DNAH17: variants seen among roughly 807,000 people sequenced by gnomAD.
DNAH17 encodes the protein axonemal beta dynein heavy chain 17.
In DNAH17, 376 loss-of-function variants were observed where a neutral mutation model predicts 485.6. That is an observed-to-expected ratio of 0.77 (90% confidence interval 0.71 to 0.84). DNAH17 has a LOEUF of 0.84. DNAH17 is among the 40% of genes least tolerant of loss of function. The probability of loss-of-function intolerance (pLI) is 0.00; values close to 1 mark genes in which losing one functional copy is unlikely to be tolerated. For missense variants in DNAH17, 6,370 were observed against 5,839.3 expected, an observed-to-expected ratio of 1.09 and a Z score of -2.96; for synonymous variants, 3,031 against 2,405.9, an observed-to-expected ratio of 1.26 and a Z score of -7.60.
intron 41 of DNAH17, 94 bp from the exon 42 acceptor site, chr17:78,492,859 T>TTTTTTTTTTTC (rs2089923044): frequency 4.5e-6 from 5 of 1,114,344 alleles, no homozygotes; most frequent in East Asian, 3.3e-5. Flanking sequence ...TGGATGGTTT[T>TTTTTTTTTTTC]TTTTTTTTTG....
chr17:78,470,160 G>A (rs920314013), intron 54 of DNAH17, among the ~76,000 whole-genome samples: 3 of 128,598 alleles, frequency 2.3e-5, no homozygotes, highest in East Asian at 2.4e-4. Flanking sequence ...TTCAACCTCC[G>A]CCTCCCGGGT....
At chr17:78,484,248 G>GCTGCC (rs1002910895) in intron 48 of DNAH17, among the ~76,000 whole-genome samples, 8 of 152,088 alleles carry the variant, frequency 5.3e-5, no homozygotes, top group African/African-American at 1.9e-4. Context: ...TCTGGCTGCA[G>GCTGCC]CTGCCCTGGG....
At chr17:78,574,502 C>CCAA (rs1269095997) in intron 2 of DNAH17, among the ~76,000 whole-genome samples, 31 of 132,994 alleles carry the variant, frequency 2.3e-4, no homozygotes, top group African/African-American at 8.6e-4. Flanking sequence ...GACCCTGTCT[C>CCAA]AAAAAAAAAA....
intron 29 of DNAH17, 38 bp downstream of exon 29, chr17:78,507,240 C>T (rs367824755): frequency 1.8e-5 from 29 of 1,606,480 alleles, no homozygotes; most frequent in Non-Finnish European, 2.4e-5. Flanking sequence ...GGAATCTGCA[C>T]CACTGACTCC....
intron 48 of DNAH17, among the ~76,000 whole-genome samples, chr17:78,481,256 C>G (rs1261600041): frequency 6.7e-6 from 1 of 149,354 alleles, no homozygotes; most frequent in East Asian, 2.0e-4. Flanking sequence ...GTGCCCGCCA[C>G]CATGCCTGGC....
chr17:78,501,727 CAG>C lies in DNAH17; in HGVS notation c.5322+13_5322+14del, dbSNP rs2090299093. On this transcript the variant is annotated intron_variant, in intron 34 of 80. Transcript: ENST00000389840. ...CTTGCCCTTCCCCTGGCCCCTGGGA[CAG>C]GGGCGCTCATGCCTTGGCCACGATC... The C allele has an allele frequency of 1.9e-6, 3 of 1,610,710 alleles. No individual in the cohort carries two copies. The African/African-American group carries it at 4.0e-5, about 21-fold the overall frequency.
At chr17:78,534,371 G>T (rs932730716) in intron 19 of DNAH17, among the ~76,000 whole-genome samples, 3 of 151,904 alleles carry the variant, frequency 2.0e-5, no homozygotes, top group African/African-American at 7.3e-5. Context: ...GATGGAAGGG[G>T]AAGGTTGGCC....
At chr17:78,459,519 G>A (rs891504411) in intron 60 of DNAH17, among the ~76,000 whole-genome samples, 3 of 152,238 alleles carry the variant, frequency 2.0e-5, no homozygotes, top group African/African-American at 7.2e-5. Context: ...TGTGTGCAAT[G>A]CATGTGCTCG....
intron 56 of DNAH17, among the ~76,000 whole-genome samples, chr17:78,464,625 T>C (rs1163323184): frequency 6.6e-6 from 1 of 152,218 alleles, no homozygotes; most frequent in Non-Finnish European, 1.5e-5. Flanking sequence ...TCCTCTGAGG[T>C]GCACAAGGCA....
intron 14 of DNAH17, among the ~76,000 whole-genome samples, chr17:78,553,188 A>G (rs994693206): frequency 6.6e-6 from 1 of 151,274 alleles, no homozygotes; most frequent in Non-Finnish European, 1.5e-5. Context: ...AGGTCCCCCC[A>G]GAAACAGAAA....
At chr17:78,449,976 A>G (rs960528251) in intron 68 of DNAH17, 8 of 508,220 alleles carry the variant, frequency 1.6e-5, no homozygotes, top group African/African-American at 1.5e-4. Context: ...ATGCCAGGCC[A>G]TCCAGTTTGT....
chr17:78,483,748 T>A (rs6501220), intron 48 of DNAH17, among the ~76,000 whole-genome samples: 3 of 151,682 alleles, frequency 2.0e-5, no homozygotes, highest in African/African-American at 7.3e-5. Flanking sequence ...CCAGGCTTCA[T>A]GAACGAGCAG....
Position 78,475,287 on chromosome 17 carries a change from G to C in DNAH17, c.8502C>G (p.Pro2834=). Residue 2834 remains proline, a synonymous_variant, in exon 54 of 81, where the codon CCC becomes CCG. Transcript: ENST00000389840. ...AACAGTAAGCTCTCACCTTGAGGTC[G>C]GGGATCCCGTAGCCCTTCTTGAGGG... ...QITLKKGYGI[P]DLKIDLAAQY... is the part of the protein sequence containing the mutation. 1 of 1,613,948 alleles carries C rather than the reference G, an allele frequency of 6.2e-7. No homozygotes were observed. Among genetic ancestry groups the C allele is most frequent in the East Asian group, 2.2e-5 (1 of 44,884 alleles).
At position 78,525,434 on chromosome 17, in the gene DNAH17, C is replaced by T. The variant is rs375771234; in HGVS notation, c.3712-273G>A. Among the ~76,000 whole-genome samples, 6 of 152,232 alleles carry T rather than the reference C, an allele frequency of 3.9e-5. No homozygotes were observed. In the East Asian group the frequency reaches 9.6e-4, roughly 24 times the overall value. On this transcript the variant is annotated intron_variant, in intron 24 of 80. Transcript: ENST00000389840. ...GGGCATGGTAAATGCCTCATTTCCT[C>T]CTGAGAGTTTCTGATTTCCCAGCAT...
At chr17:78,515,165 G>C in intron 25 of DNAH17, 143 bp from the exon 26 acceptor site, 2 of 1,006,620 alleles carry the variant, frequency 2.0e-6, no homozygotes, top group South Asian at 3.5e-5. Flanking sequence ...TCAGTAAAGT[G>C]ATTAGATACA....
At position 78,479,465 on chromosome 17, in the gene DNAH17, G is replaced by A. The variant is rs1195687563; in HGVS notation, c.7900+20C>T. 6.3e-7 allele frequency: 1 copy of A among 1,596,904 alleles called. No homozygotes were observed. Among genetic ancestry groups the A allele is most frequent in the Non-Finnish European group, 8.5e-7 (1 of 1,172,952 alleles). ...CATAGGTTTTACCGATGGGAGAGGG[G>A]ATGAGGCCAGCCAGCTTACCCAGGG... On this transcript the variant is annotated intron_variant, in intron 50 of 80. Coordinates refer to ENST00000389840, the MANE Select transcript of DNAH17 (RefSeq NM_173628.4).
chr17:78,536,741 C>T (rs1268992821), intron 19 of DNAH17, among the ~76,000 whole-genome samples: 1 of 151,058 alleles, frequency 6.6e-6, no homozygotes, highest in Non-Finnish European at 1.5e-5. Flanking sequence ...CTCTTGGCAT[C>T]GTGTCGGGGG....
At chr17:78,573,299 T>C (rs1198728942) in intron 2 of DNAH17, among the ~76,000 whole-genome samples, 1 of 152,068 alleles carries the variant, frequency 6.6e-6, no homozygotes, top group East Asian at 1.9e-4. Flanking sequence ...GATAGGGTCT[T>C]TAAAGAGGTG....
chr17:78,515,230 C>T (rs1178163038), intron 25 of DNAH17, among the ~76,000 whole-genome samples: 4 of 152,184 alleles, frequency 2.6e-5, no homozygotes, highest in South Asian at 2.1e-4. Context: ...AACAGTTGGC[C>T]GGGCACGGTG....
Sources: allele counts gnomAD v4.1 joint callset (sites outside exome capture counted in the v4.1 genomes callset), GRCh38; gene constraint gnomAD v4.1.1; transcripts MANE v1.5; gene names NCBI Gene and HGNC (gene_info 2026-07-23, HGNC 2026-07-21).